The following CA10 variants were observed in gnomAD, a reference collection of about 807,000 sequenced individuals.
CA10 encodes the protein carbonic anhydrase-related protein 10.
CA10 carries 14 observed loss-of-function variants against 44.2 expected under a neutral mutation model. That is an observed-to-expected ratio of 0.32 (90% CI 0.21 to 0.50). The LOEUF is 0.50. Ranked by LOEUF, CA10 falls within the 20% of genes least tolerant of loss-of-function variation. The pLI, the probability that CA10 is intolerant of heterozygous loss-of-function variation, is 0.99. For missense variants in CA10, 350 were observed against 409.7 expected, an observed-to-expected ratio of 0.85 and a Z score of 1.26; for synonymous variants, 159 against 141.6, an observed-to-expected ratio of 1.12 and a Z score of -0.87.
chr17:52,050,320 C>A (rs565029754), intron 2 of CA10, among the ~76,000 whole-genome samples: 2 of 152,076 alleles, frequency 1.3e-5, no homozygotes, highest in South Asian at 4.1e-4. Flanking sequence ...CAGAGTCAGT[C>A]AATTTATCGC....
chr17:51,797,378 A>G (rs1213160663), intron 3 of CA10, among the ~76,000 whole-genome samples: 1 of 152,074 alleles, frequency 6.6e-6, no homozygotes, highest in East Asian at 1.9e-4. Context: ...ACACACGCAC[A>G]CCCCGCCCTC....
At chr17:52,130,144 T>C (rs1360668098) in intron 1 of CA10, among the ~76,000 whole-genome samples, 1 of 152,046 alleles carries the variant, frequency 6.6e-6, no homozygotes, top group Non-Finnish European at 1.5e-5. Context: ...AATAAAAAGA[T>C]GAAAGATAAC....
At chr17:51,868,999 T>C (rs1979683802) in intron 3 of CA10, among the ~76,000 whole-genome samples, 1 of 151,992 alleles carries the variant, frequency 6.6e-6, no homozygotes, top group Admixed American at 6.6e-5. Context: ...TTACTTTTGA[T>C]GAAAACGTAT....
Position 51,855,613 on chromosome 17 carries a change from G to A in CA10, c.279+75377C>T, listed in dbSNP as rs141847580. Reference sequence around the variant, plus strand: ...GCCTGAACCATAAAGAAAATGAAAAGCTACACACAGATGTTCATCCAGGCC... The same window carrying A: ...GCCTGAACCATAAAGAAAATGAAAAACTACACACAGATGTTCATCCAGGCC... On this transcript the variant is annotated intron_variant, in intron 3 of 8. Transcript: ENST00000451037. Among the ~76,000 whole-genome samples the A allele has an allele frequency of 2.5e-3, 383 of 152,294 alleles. 2 individuals are homozygous for A. The highest frequency in any genetic ancestry group is 8.6e-3 in the African/African-American group (358 of 41,570).
intron 1 of CA10, among the ~76,000 whole-genome samples, chr17:52,154,072 C>G (rs1240201757): frequency 6.6e-6 from 1 of 152,152 alleles, no homozygotes; most frequent in African/African-American, 2.4e-5. Flanking sequence ...TCAAATGCTA[C>G]CTTAATTCTA....
At chr17:51,740,060 GACA>G (rs746737407) in intron 4 of CA10, among the ~76,000 whole-genome samples, 1 of 145,398 alleles carries the variant, frequency 6.9e-6, no homozygotes, top group Non-Finnish European at 1.6e-5. Context: ...TGTTAATATT[GACA>G]ACTTTATTAG....
intron 2 of CA10, among the ~76,000 whole-genome samples, chr17:51,991,645 A>G (rs1417852717): frequency 6.6e-6 from 1 of 152,096 alleles, no homozygotes; most frequent in Non-Finnish European, 1.5e-5. Context: ...CCCTGTCTCT[A>G]CTAAAAACAC....
chr17:51,763,170 G>A (rs946968754), intron 3 of CA10: 4 of 152,198 alleles, frequency 2.6e-5, no homozygotes, highest in African/African-American at 9.7e-5. Flanking sequence ...TCAGAAATAT[G>A]TGGCTCACTT....
chr17:52,068,222 G>A (rs1290380738), intron 2 of CA10, among the ~76,000 whole-genome samples: 1 of 152,190 alleles, frequency 6.6e-6, no homozygotes, highest in East Asian at 1.9e-4. Context: ...TCTCATGATA[G>A]TAAGTTCTTA....
chr17:52,114,887 CTAAG>C (rs1988858859), intron 1 of CA10, among the ~76,000 whole-genome samples: 1 of 152,208 alleles, frequency 6.6e-6, no homozygotes, highest in African/African-American at 2.4e-5. Flanking sequence ...ATTCTAAAAA[CTAAG>C]TCATTGCATC....
At chr17:52,091,570 A>G (rs899241888) in intron 1 of CA10, among the ~76,000 whole-genome samples, 1 of 152,184 alleles carries the variant, frequency 6.6e-6, no homozygotes, top group Non-Finnish European at 1.5e-5. Flanking sequence ...CGTTTTGCTC[A>G]TGCATAAAAG....
intron 4 of CA10, among the ~76,000 whole-genome samples, chr17:51,724,535 T>C (rs933138712): frequency 7.9e-5 from 12 of 152,232 alleles, no homozygotes; most frequent in Admixed American, 6.5e-5. Context: ...TTAATAAAAC[T>C]GCACTCACTC....
chr17:52,139,487 CCT>C (rs1174457652), intron 1 of CA10, among the ~76,000 whole-genome samples: 3 of 151,000 alleles, frequency 2.0e-5, no homozygotes, highest in Non-Finnish European at 2.9e-5. Flanking sequence ...CATTTCCATC[CCT>C]CTCTGTTCGG....
At chr17:51,684,417 C>T (rs1240505043) in intron 4 of CA10, among the ~76,000 whole-genome samples, 1 of 152,164 alleles carries the variant, frequency 6.6e-6, no homozygotes, top group East Asian at 1.9e-4. Context: ...CCACCGTTCC[C>T]AGTGTTTATC....
intron 3 of CA10, among the ~76,000 whole-genome samples, chr17:51,894,545 C>T (rs1980991076): frequency 1.3e-5 from 2 of 152,056 alleles, no homozygotes; most frequent in Non-Finnish European, 2.9e-5. Flanking sequence ...GTTGGAGATA[C>T]AATTTTTTTC....
chr17:51,810,290 C>T (rs1907308425), intron 3 of CA10, among the ~76,000 whole-genome samples: 1 of 152,114 alleles, frequency 6.6e-6, no homozygotes, highest in Admixed American at 6.6e-5. Context: ...GATCCTCAAA[C>T]AAAGCTTGAA....
chr17:52,082,136 T>C (rs540642960), intron 1 of CA10, among the ~76,000 whole-genome samples: 1 of 152,344 alleles, frequency 6.6e-6, no homozygotes, highest in Non-Finnish European at 1.5e-5. Flanking sequence ...ACTGGCACAG[T>C]GTTTGACAAA....
chr17:51,662,702 G>T (rs2143317177), intron 4 of CA10, among the ~76,000 whole-genome samples: 1 of 152,282 alleles, frequency 6.6e-6, no homozygotes, highest in African/African-American at 2.4e-5. Flanking sequence ...AACTATCATG[G>T]GTCTGTCCGG....
chr17:51,716,657 C>A (rs1598005195), intron 4 of CA10, among the ~76,000 whole-genome samples: 1 of 152,208 alleles, frequency 6.6e-6, no homozygotes, highest in East Asian at 1.9e-4. Flanking sequence ...ACTTGGGGTT[C>A]ATTAAGCTGC....
Sources: gnomAD v4.1 joint callset for allele counts (sites outside exome capture counted in the v4.1 genomes callset) on GRCh38, gnomAD v4.1.1 for gene constraint, MANE v1.5 for transcripts, NCBI Gene and HGNC (gene_info 2026-07-23, HGNC 2026-07-21) for gene names.